Variants in ALDH7A1 observed in about 807,000 individuals in gnomAD.
ALDH7A1 encodes aldehyde dehydrogenase 7 family member A1, also known as alpha-aminoadipic semialdehyde dehydrogenase.
A neutral mutation model predicts 79.9 loss-of-function variants in ALDH7A1; 63 were observed. That is an observed-to-expected ratio of 0.79 (90% confidence interval 0.64 to 0.97). ALDH7A1 has a LOEUF of 0.97. ALDH7A1 is among the 50% of genes least tolerant of loss of function. The probability of loss-of-function intolerance (pLI) is 0.00; values close to 1 mark genes in which losing one functional copy is unlikely to be tolerated. For missense variants in ALDH7A1, 627 were observed against 665.2 expected (o/e 0.94, Z 0.63); for synonymous variants, 240 against 231.2 (o/e 1.04, Z -0.34).
At chr5:126,578,646 A>C (rs1360417081) in intron 5 of ALDH7A1, among the ~76,000 whole-genome samples, 1 of 151,656 alleles carries the variant, frequency 6.6e-6, no homozygotes, top group African/African-American at 2.4e-5. Flanking sequence ...ATCAAAAAAA[A>C]AAAAAAAAAG....
rs537099145 is a variant in ALDH7A1 at position 126,550,691 on chromosome 5, CTAATTTG to C, written c.1318-405_1318-399del. Among the ~76,000 whole-genome samples, 16 of 152,302 alleles carry C rather than the reference CTAATTTG, an allele frequency of 1.1e-4. No homozygotes were observed. The South Asian group carries it at 3.3e-3, about 32-fold the overall frequency. ...ATTGGGCAACTGAGGCCTACAGAGA[CTAATTTG>C]CTCAAGAGCTCACACAGCCTCATAA... On this transcript the variant is annotated intron_variant, in intron 14 of 17. Coordinates refer to ENST00000409134, the MANE Select transcript of ALDH7A1 (RefSeq NM_001182.5).
Position 126,559,139 on chromosome 5 carries a change from A to T in ALDH7A1, c.1008+101T>A, listed in dbSNP as rs1435657733. 1.3e-5 allele frequency: 12 copies of T among 923,542 alleles called. No homozygotes were observed. In the East Asian group the frequency reaches 3.0e-4, roughly 23 times the overall value. 57.2% of individuals were successfully genotyped at this position (923,542 alleles called of 1,614,324 possible). On this transcript the variant is annotated intron_variant, in intron 11 of 17. Transcript: ENST00000409134. ...TATTTGCCAGCCACATCTAGAGAGC[A>T]TGTTGTTCTAGCAGTATTGCTGACA...
chr5:126,547,206 C>G (rs570506192), intron 16 of ALDH7A1, among the ~76,000 whole-genome samples: 1 of 152,348 alleles, frequency 6.6e-6, no homozygotes. Context: ...GGGATGGTGT[C>G]TCTTGGTTCC....
intron 11 of ALDH7A1, among the ~76,000 whole-genome samples, chr5:126,557,402 C>A (rs1356502309): frequency 1.3e-5 from 2 of 152,066 alleles, no homozygotes; most frequent in African/African-American, 4.8e-5. Flanking sequence ...GCCTGGCCAA[C>A]ATGGCAAAAT....
intron 3 of ALDH7A1, among the ~76,000 whole-genome samples, chr5:126,590,845 A>T (rs954902225): frequency 1.3e-5 from 2 of 151,390 alleles, no homozygotes; most frequent in Admixed American, 1.3e-4. Context: ...AGATTGGGCC[A>T]CTGCACTCCA....
chr5:126,593,510 T>C lies in ALDH7A1; in HGVS notation c.193-106A>G, dbSNP rs565715789. The C allele has an allele frequency of 2.2e-5, 32 of 1,484,078 alleles. No individual in the cohort carries two copies. In the East Asian group the frequency reaches 6.6e-4, roughly 31 times the overall value. 91.9% of individuals were successfully genotyped at this position (1,484,078 alleles called of 1,614,324 possible). ...AACAAGAGAGGAAAAAATGATATAA[T>C]ACCCAAACTCAAAAAGCTTAGGTTA... On this transcript the variant is annotated intron_variant, in intron 1 of 17. Coordinates refer to ENST00000409134, the MANE Select transcript of ALDH7A1 (RefSeq NM_001182.5).
intron 5 of ALDH7A1, among the ~76,000 whole-genome samples, chr5:126,578,796 C>G (rs911053004): frequency 6.6e-6 from 1 of 152,144 alleles, no homozygotes; most frequent in East Asian, 1.9e-4. Flanking sequence ...CACACGAATA[C>G]GATGGTTCAC....
Position 126,573,888 on chromosome 5 carries a change from G to A in ALDH7A1, c.695+1532C>T, listed in dbSNP as rs1477905070. On this transcript the variant is annotated intron_variant, in intron 7 of 17. Coordinates refer to ENST00000409134, the MANE Select transcript of ALDH7A1 (RefSeq NM_001182.5). ...TCTTTAAAAAAAAAAAAATTAGCCC[G>A]GCGTGGTGGCCCACACCTATAATCC... 2.5e-4 allele frequency among the ~76,000 whole-genome samples: 37 copies of A among 150,536 alleles called. 1 individual carries two copies. The highest frequency in any genetic ancestry group is 1.7e-3 in the South Asian group (8 of 4,748).
At chr5:126,559,441 T>TG in intron 10 of ALDH7A1, 107 bp from the exon 11 acceptor site, 2 of 826,724 alleles carry the variant, frequency 2.4e-6, no homozygotes, top group East Asian at 5.7e-5. Context: ...TTGGTTTTTT[T>TG]TTTTTTTTTT....
intron 1 of ALDH7A1, among the ~76,000 whole-genome samples, chr5:126,594,696 T>C (rs1393701485): frequency 2.0e-5 from 3 of 152,072 alleles, no homozygotes; most frequent in Admixed American, 6.6e-5. Context: ...TCCGCCCGCC[T>C]AGGCCTCCCA....
chr5:126,593,255 G>A, intron 2 of ALDH7A1, 96 bp downstream of exon 2: 2 of 1,547,164 alleles, frequency 1.3e-6, no homozygotes, highest in Non-Finnish European at 1.8e-6. Context: ...TGCCTAACTG[G>A]CTTCTGCCTC....
At chr5:126,591,637 C>A (rs151261498) in intron 3 of ALDH7A1, among the ~76,000 whole-genome samples, 3 of 152,096 alleles carry the variant, frequency 2.0e-5, no homozygotes, top group African/African-American at 4.8e-5. Context: ...GAGACAGGCA[C>A]CCCCAGTCTT....
chr5:126,558,154 G>A (rs1189077398), intron 11 of ALDH7A1, among the ~76,000 whole-genome samples: 2 of 109,100 alleles, frequency 1.8e-5, no homozygotes, highest in African/African-American at 7.1e-5. Flanking sequence ...GCAACAGAGC[G>A]AGACTCCAAC....
At chr5:126,579,452 G>A (rs963819542) in intron 5 of ALDH7A1, among the ~76,000 whole-genome samples, 2 of 152,056 alleles carry the variant, frequency 1.3e-5, no homozygotes, top group Non-Finnish European at 2.9e-5. Flanking sequence ...GGATTATGCT[G>A]GATATAATTA....
intron 17 of ALDH7A1, among the ~76,000 whole-genome samples, chr5:126,545,943 T>C (rs1013376671): frequency 6.6e-6 from 1 of 151,896 alleles, no homozygotes; most frequent in Non-Finnish European, 1.5e-5. Flanking sequence ...TGAAACCCAA[T>C]CTCTACTAAA....
chr5:126,594,953 G>A (rs1751690287), intron 1 of ALDH7A1, 54 bp downstream of exon 1: 3 of 1,551,522 alleles, frequency 1.9e-6, no homozygotes, highest in Admixed American at 1.9e-5. Context: ...GTGCCCGCCC[G>A]GCCTCCTCGA....
At chr5:126,592,769 G>C in intron 2 of ALDH7A1, 40 bp from the exon 3 acceptor site, 1 of 1,561,810 alleles carries the variant, frequency 6.4e-7, no homozygotes, top group Non-Finnish European at 8.8e-7. Context: ...GGGAAATAAA[G>C]AGAAATGATG....
intron 3 of ALDH7A1, among the ~76,000 whole-genome samples, chr5:126,585,050 G>C (rs1751313828): frequency 6.6e-6 from 1 of 152,168 alleles, no homozygotes; most frequent in African/African-American, 2.4e-5. Context: ...TATAATCCCA[G>C]CACTTGAGAA....
chr5:126,572,630 C>A (rs781772392), intron 7 of ALDH7A1, among the ~76,000 whole-genome samples: 2 of 152,206 alleles, frequency 1.3e-5, no homozygotes, highest in Non-Finnish European at 2.9e-5. Flanking sequence ...AATGGGAATG[C>A]CATGCTTTTT....
Sources: allele counts gnomAD v4.1 joint callset (sites outside exome capture counted in the v4.1 genomes callset), GRCh38; gene constraint gnomAD v4.1.1; transcripts MANE v1.5; gene names NCBI Gene and HGNC (gene_info 2026-07-23, HGNC 2026-07-21).